RPL26L1: variants seen among roughly 807,000 people sequenced by gnomAD.
RPL26L1 encodes ribosomal protein L26 like 1.
A neutral mutation model predicts 15.2 loss-of-function variants in RPL26L1; 8 were observed. That is an observed-to-expected ratio of 0.53 (90% CI 0.31 to 0.95). RPL26L1 has a LOEUF of 0.95. Ranked by LOEUF, RPL26L1 falls within the 40% of genes least tolerant of loss-of-function variation. The pLI is 0.05. For missense variants in RPL26L1, 146 were observed against 190.9 expected (o/e 0.76, Z 1.39); for synonymous variants, 51 against 65.9 (o/e 0.77, Z 1.09).
upstream of RPL26L1, chr5:172,959,393 G>A: frequency 3.0e-6 from 3 of 1,005,278 alleles, no homozygotes; most frequent in Non-Finnish European, 3.6e-6. Context: ...GGGCTTCGAT[G>A]TCTTTCTGCG....
chr5:172,959,617 T>G, intron 1 of RPL26L1, 149 bp downstream of exon 1: 1 of 1,263,082 alleles, frequency 7.9e-7, no homozygotes, highest in Non-Finnish European at 1.0e-6. Context: ...CATTCCTTCC[T>G]CAGCCTCAAG....
intron 2 of RPL26L1, among the ~76,000 whole-genome samples, chr5:172,963,175 C>T (rs944007037): frequency 4.6e-5 from 7 of 151,914 alleles, no homozygotes; most frequent in African/African-American, 1.2e-4. Flanking sequence ...GTCAGGAGTT[C>T]GAGACCAGCC....
At chr5:172,962,076 T>C (rs1581606823) in intron 2 of RPL26L1, among the ~76,000 whole-genome samples, 1 of 152,360 alleles carries the variant, frequency 6.6e-6, no homozygotes, top group African/African-American at 2.4e-5. Flanking sequence ...TAATCTACCA[T>C]CAAGGCTTGT....
chr5:172,957,315 G>T, upstream of RPL26L1: 1 of 455,614 alleles, frequency 2.2e-6, no homozygotes, highest in Non-Finnish European at 4.4e-6. Context: ...GAACCACACA[G>T]CATGTTAAAA....
At chr5:172,962,510 A>AAACAAC (rs538336065) in intron 2 of RPL26L1, among the ~76,000 whole-genome samples, 1 of 149,184 alleles carries the variant, frequency 6.7e-6, no homozygotes, top group Non-Finnish European at 1.5e-5. Flanking sequence ...TCTGTCTCAA[A>AAACAAC]AACAACAACA....
At chr5:172,956,445 T>C (rs1271212404), upstream of RPL26L1, among the ~76,000 whole-genome samples, 2 of 152,178 alleles carry the variant, frequency 1.3e-5, no homozygotes, top group Admixed American at 6.6e-5. Context: ...CTCAGTTTTC[T>C]CACCTGTAAA....
chr5:172,962,977 T>A (rs1755299956), intron 2 of RPL26L1, among the ~76,000 whole-genome samples: 1 of 152,174 alleles, frequency 6.6e-6, no homozygotes, highest in Non-Finnish European at 1.5e-5. Flanking sequence ...TGATATTGAT[T>A]AAAGGACCTG....
At chr5:172,955,092 G>T (rs1285713043), upstream of RPL26L1, 1 of 453,632 alleles carries the variant, frequency 2.2e-6, no homozygotes, top group African/African-American at 2.0e-5. Context: ...AAGAAATGGG[G>T]TGTGGCACTA....
chr5:172,954,397 G>A (rs568791661), upstream of RPL26L1, among the ~76,000 whole-genome samples: 25 of 147,632 alleles, frequency 1.7e-4, no homozygotes, highest in Non-Finnish European at 2.5e-4. Context: ...ATGAAACCCC[G>A]TCTCTATAGA....
intron 2 of RPL26L1, among the ~76,000 whole-genome samples, chr5:172,961,401 C>T (rs563022034): frequency 6.3e-4 from 96 of 152,282 alleles, no homozygotes; most frequent in Admixed American, 1.7e-3. Flanking sequence ...AATCATCTAC[C>T]TTTAGCCCAT....
upstream of RPL26L1, chr5:172,955,098 C>G (rs1445133440): frequency 2.3e-6 from 1 of 437,376 alleles, no homozygotes; most frequent in East Asian, 7.2e-5. Context: ...TGGGGTGTGG[C>G]ACTAGAGTTC....
chr5:172,961,015 C>T (rs1431382954), intron 2 of RPL26L1, among the ~76,000 whole-genome samples: 1 of 152,104 alleles, frequency 6.6e-6, no homozygotes, highest in Admixed American at 6.5e-5. Context: ...ACAGTTGTGA[C>T]AAGCAAAAAT....
intron 3 of RPL26L1, 152 bp from the exon 4 acceptor site, chr5:172,969,261 A>G (rs1466207227): frequency 1.4e-6 from 1 of 692,480 alleles, no homozygotes; most frequent in East Asian, 2.7e-5. Context: ...TTGTGTTCCT[A>G]TTTTGTATTG....
upstream of RPL26L1, among the ~76,000 whole-genome samples, chr5:172,954,607 G>A (rs1225418006): frequency 2.0e-5 from 3 of 151,832 alleles, no homozygotes; most frequent in African/African-American, 7.3e-5. Flanking sequence ...GAGGGAGGGA[G>A]AGAGGAAGAG....
upstream of RPL26L1, chr5:172,955,663 T>A (rs956115650): frequency 6.6e-6 from 1 of 152,514 alleles, no homozygotes; most frequent in Middle Eastern, 3.2e-3. Flanking sequence ...TTGTTTCCTG[T>A]CAGTTATGGA....
chr5:172,969,309 C>T (rs1188360773), intron 3 of RPL26L1, 104 bp from the exon 4 acceptor site: 37 of 1,237,692 alleles, frequency 3.0e-5, no homozygotes, highest in Non-Finnish European at 4.1e-5. Flanking sequence ...GTTTCAGTTC[C>T]TTAAAAGCTG....
chr5:172,957,777 C>A (rs1294000601), upstream of RPL26L1: 1 of 166,040 alleles, frequency 6.0e-6, no homozygotes, highest in Non-Finnish European at 1.3e-5. Flanking sequence ...GTAATGACTT[C>A]CTTTCTTAGG....
chr5:172,959,382 G>A, upstream of RPL26L1: 26 of 1,004,568 alleles, frequency 2.6e-5, no homozygotes, highest in Non-Finnish European at 2.9e-5. Context: ...CTACGGAAAT[G>A]GGGCTTCGAT....
upstream of RPL26L1, chr5:172,958,363 G>A (rs550923446): frequency 1.5e-5 from 7 of 456,110 alleles, no homozygotes; most frequent in South Asian, 7.7e-5. Context: ...GAGAGAGCAC[G>A]GGACCTGCCT....
Sources: allele counts gnomAD v4.1 joint callset (sites outside exome capture counted in the v4.1 genomes callset), GRCh38; gene constraint gnomAD v4.1.1; transcripts MANE v1.5; gene names NCBI Gene and HGNC (gene_info 2026-07-23, HGNC 2026-07-21).